The following MST1 variants were observed in gnomAD, a reference collection of about 807,000 sequenced individuals.
MST1 encodes hepatocyte growth factor-like protein.
A neutral mutation model predicts 100.1 loss-of-function variants in MST1; 76 were observed. The observed-to-expected ratio is 0.76, with a 90% CI of 0.63 to 0.92. MST1 has a LOEUF of 0.92. MST1 is among the 40% of genes least tolerant of loss of function. MST1 has a pLI of 0.00. For missense variants in MST1, 850 were observed against 990.0 expected, an observed-to-expected ratio of 0.86 and a Z score of 1.90; for synonymous variants, 352 against 385.4, an observed-to-expected ratio of 0.91 and a Z score of 1.01.
At chr3:49,686,289 G>GGGGGGGGGGGGGGGCCCCCCCCCCCCCC in intron 8 of MST1, 24 bp downstream of exon 8, 1 of 1,235,666 alleles carries the variant, frequency 8.1e-7, no homozygotes. Context: ...ACGTCCCAAC[G>GGGGGGGGGGGGGGGCCCCCCCCCCCCCC]CCCGCCCCCC....
chr3:49,687,533 T>A (rs375767853), intron 3 of MST1, 23 bp downstream of exon 3: 1 of 1,611,438 alleles, frequency 6.2e-7, no homozygotes, highest in African/African-American at 1.3e-5. Context: ...TCTCCCACCC[T>A]GCCCCTCTCC....
chr3:49,687,683 G>A lies in MST1; in HGVS notation c.243-15C>T, dbSNP rs369134155. 5.3e-4 allele frequency: 863 copies of A among 1,613,428 alleles called. 6 individuals are homozygous for A. The South Asian group carries it at 9.1e-3, about 17-fold the overall frequency. ...AGTGGAAGGCCCTGGAGAGAAGAAG[G>A]CACAGGGTAACGCCACAGCCCAGGC... On this transcript the variant is annotated splice_polypyrimidine_tract_variant and intron_variant, in intron 2 of 17. Transcript: ENST00000449682.
At position 49,685,334 on chromosome 3, in the gene MST1, T is replaced by C; in HGVS notation, c.1472A>G (p.Gln491Arg). 1.9e-6 allele frequency: 3 copies of C among 1,613,388 alleles called. No individual in the cohort carries two copies. Among genetic ancestry groups the C allele is most frequent in the South Asian group, 2.2e-5 (2 of 91,074 alleles). ...AACCACGCGCAGCTTGGAACGCCGC[T>C]GATCCAGCCGATCCACCCTCTTGCC... ...KCGKRVDRLD[Q>R]RRSKLRVVGG... is the part of the protein sequence containing the mutation. The change falls in exon 13 of 18, where the codon CAG becomes CGG. Residue 491 changes from glutamine to arginine, a missense_variant. By Grantham distance (43) the Gln-to-Arg change is conservative (BLOSUM62 1). Transcript: ENST00000449682.
chr3:49,687,909 G>T lies in MST1; in HGVS notation c.95-12C>A. 6.2e-7 allele frequency: 1 copy of T among 1,611,226 alleles called. No homozygotes were observed. Among genetic ancestry groups the T allele is most frequent in the Non-Finnish European group, 8.5e-7 (1 of 1,178,420 alleles). ...TGGCGAGCGCTGCCCTGCAGAGTAG[G>T]CATGAGTGGGTGCAGGTCAGGTGGG... On this transcript the variant is annotated splice_polypyrimidine_tract_variant and intron_variant, in intron 1 of 17. Transcript: ENST00000449682.
intron 8 of MST1, 25 bp downstream of exon 8, chr3:49,686,288 C>CT: frequency 1.4e-6 from 2 of 1,399,784 alleles, no homozygotes; most frequent in Non-Finnish European, 1.9e-6. Context: ...CACGTCCCAA[C>CT]GCCCGCCCCC....
Position 49,687,085 on chromosome 3 carries a change from G to C in MST1, c.608-18C>G, listed in dbSNP as rs760705428. 6.2e-7 allele frequency: 1 copy of C among 1,612,664 alleles called. No individual in the cohort carries two copies. Among genetic ancestry groups the C allele is most frequent in the East Asian group, 2.2e-5 (1 of 44,884 alleles). Reference sequence around the variant, plus strand: ...ACACGCGGCTGGAGACAAAGAGCCAGTGGGTTCGTGGATGGACGTGGGCTT... The same window carrying C: ...ACACGCGGCTGGAGACAAAGAGCCACTGGGTTCGTGGATGGACGTGGGCTT... On this transcript the variant is annotated intron_variant, in intron 5 of 17. Transcript: ENST00000449682.
chr3:49,684,285 C>T (rs2053497700), intron 17 of MST1, 29 bp downstream of exon 17: 2 of 1,612,214 alleles, frequency 1.2e-6, no homozygotes, highest in African/African-American at 2.7e-5. Flanking sequence ...CATACCCTTC[C>T]AGGGCTGGCC....
At position 49,689,459 on chromosome 3, in the gene MST1, C is replaced by G. The variant is rs1005385499; in HGVS notation, c.-768G>C. ...CCCGGTGGGAAGCCATGGAGGGGGT[C>G]CCCTAGCGGAGGCTGGGCGCGGGCC... On this transcript the variant is annotated 5_prime_UTR_variant, in exon 1 of 18. Coordinates refer to ENST00000449682, the MANE Select transcript of MST1 (RefSeq NM_020998.4). 3.9e-5 allele frequency: 6 copies of G among 152,368 alleles called. No homozygotes were observed. Among genetic ancestry groups the G allele is most frequent in the African/African-American group, 1.2e-4 (5 of 41,446 alleles). The allele number at this position is 152,368 out of a possible 1,614,324, so 9.4% of individuals were successfully genotyped here. A position where few individuals can be genotyped will look rare whatever the true frequency, so the allele number is the denominator to read the frequency against.
chr3:49,686,245 G>C (rs1202562586), intron 8 of MST1, 53 bp from the exon 9 acceptor site: 1 of 1,605,762 alleles, frequency 6.2e-7, no homozygotes, highest in Admixed American at 1.7e-5. Context: ...CCTTGAGCCC[G>C]TGACTACCTT....
chr3:49,685,528 G>C, intron 11 of MST1, 22 bp from the exon 12 acceptor site: 1 of 1,613,448 alleles, frequency 6.2e-7, no homozygotes, highest in Non-Finnish European at 8.5e-7. Context: ...AGTTCACTGG[G>C]GTTAAGGGAG....
In MST1 at chr3:49,687,821, G is replaced by T; in HGVS notation, c.171C>A (p.Pro57=). Residue 57 remains proline, a synonymous_variant, in exon 2 of 18, where the codon CCC becomes CCA. Transcript: ENST00000449682. ...CTGCCACATCCTCCTGCCAAGGCCC[G>T]GGCACCACCGCATGTAGCAGGTGCT... ...ELQHLLHAVV[P]GPWQEDVADA... 1.9e-6 allele frequency: 3 copies of T among 1,613,586 alleles called. No homozygotes were observed. Among genetic ancestry groups the T allele is most frequent in the Non-Finnish European group, 2.5e-6 (3 of 1,179,860 alleles).
rs1274705954 is a variant in MST1 at position 49,688,053 on chromosome 3, A to C, written c.95-156T>G. ...TTCAAGGGCCAGTCTAGCCCCCTGC[A>C]CAGATACTTGTGAAAAAAATTTCCC... On this transcript the variant is annotated intron_variant, in intron 1 of 17. Transcript: ENST00000449682. 26 of 1,233,294 alleles carry C rather than the reference A, an allele frequency of 2.1e-5. No homozygotes were observed. The East Asian group carries it at 6.7e-4, about 32-fold the overall frequency. The allele number at this position is 1,233,294 out of a possible 1,614,324, so 76.4% of individuals were successfully genotyped here. A position where few individuals can be genotyped will look rare whatever the true frequency, so the allele number is the denominator to read the frequency against.
rs780213410 is a variant in MST1, at chr3:49,686,779, T to G, written c.752A>C (p.Asp251Ala). Reference protein sequence around the residue: ...PGKFLDQGLDDNYCRNPDGSE... With the variant: ...PGKFLDQGLDANYCRNPDGSE... Reference sequence around the variant, plus strand: ...GCCGTCAGGATTCCGGCAATAGTTGTCGTCCAGACCTTGGTCGAGGAACCT... The same window carrying G: ...GCCGTCAGGATTCCGGCAATAGTTGGCGTCCAGACCTTGGTCGAGGAACCT... The change falls in exon 7 of 18, where the codon GAC (aspartate) becomes GCC (alanine). Residue 251 changes from aspartate to alanine, a missense_variant. This residue lies in a region of MST1 where 816 missense variants were observed against 924.6 expected (regional missense o/e 0.88). Coordinates refer to ENST00000449682, the MANE Select transcript of MST1 (RefSeq NM_020998.4). 6.2e-7 allele frequency: 1 copy of G among 1,611,710 alleles called. No individual in the cohort carries two copies. Among genetic ancestry groups the G allele is most frequent in the Non-Finnish European group, 8.5e-7 (1 of 1,179,674 alleles).
chr3:49,686,301 C>CCG lies in MST1; in HGVS notation c.1016+11_1016+12insCG, dbSNP rs765425849. The CCG allele has an allele frequency of 3.5e-5, 49 of 1,414,406 alleles. No individual in the cohort carries two copies. Among genetic ancestry groups the CCG allele is most frequent in the Non-Finnish European group, 4.5e-5 (47 of 1,043,178 alleles). The allele number at this position is 1,414,406 out of a possible 1,614,324, so 87.6% of individuals were successfully genotyped here. A position where few individuals can be genotyped will look rare whatever the true frequency, so the allele number is the denominator to read the frequency against. On this transcript the variant is annotated intron_variant, in intron 8 of 17. Coordinates refer to ENST00000449682, the MANE Select transcript of MST1 (RefSeq NM_020998.4). ...AGCACGTCCCAACGCCCGCCCCCCC[C>CCG]CCCCACCTCACTTGCACGCGTATTT...
Position 49,684,902 on chromosome 3 carries a change from C to A in MST1, c.1623-18G>T. 1 of 1,613,456 alleles carries A rather than the reference C, an allele frequency of 6.2e-7. No individual in the cohort carries two copies. Among genetic ancestry groups the A allele is most frequent in the South Asian group, 1.1e-5 (1 of 91,056 alleles). On this transcript the variant is annotated intron_variant, in intron 14 of 17. Coordinates refer to ENST00000449682, the MANE Select transcript of MST1 (RefSeq NM_020998.4). ...GCATATGGCTGGGAGAGAAGCTCTG[C>A]TAGGTCATTTGTGACTCTCAGTCCA...
chr3:49,684,336 A>T lies in MST1; in HGVS notation c.1994T>A (p.Leu665Ter). 2 of 1,613,158 alleles carry T rather than the reference A, an allele frequency of 1.2e-6. No individual in the cohort carries two copies. Among genetic ancestry groups the T allele is most frequent in the Non-Finnish European group, 1.7e-6 (2 of 1,179,856 alleles). ...RESEMCTEGL[L>*]APVGACEGDY... is the part of the protein sequence containing the mutation. ...AACCTCACAGGCCCCCACAGGGGCC[A>T]ACAGTCCCTCAGTGCACATCTCACT... Residue 665 changes from leucine to a stop codon, truncating the protein, a stop_gained, in exon 17 of 18, where the codon TTG becomes TAG. Coordinates refer to ENST00000449682, the MANE Select transcript of MST1 (RefSeq NM_020998.4). LOFTEE classifies it high-confidence loss of function.
chr3:49,688,092 C>T (rs1325632283), intron 1 of MST1, 195 bp from the exon 2 acceptor site: 9 of 854,992 alleles, frequency 1.1e-5, no homozygotes, highest in African/African-American at 3.4e-5. Flanking sequence ...GGAAGCAGGC[C>T]CAGACTTGGT....
At position 49,684,531 on chromosome 3, in the gene MST1, C is replaced by G. The variant is rs764364651; in HGVS notation, c.1876+19G>C. The G allele has an allele frequency of 6.2e-7, 1 of 1,613,630 alleles. No individual in the cohort carries two copies. The highest frequency in any genetic ancestry group is 2.2e-5 in the East Asian group (1 of 44,890). ...CTGGGCCTCCTGGCCACCAGCAGTC[C>G]TGTGCACTGTGCTCTTACCTTTGGT... On this transcript the variant is annotated intron_variant, in intron 16 of 17. Transcript: ENST00000449682.
chr3:49,687,580 GC>G lies in MST1; in HGVS notation c.330del (p.Arg111AlafsTer16). Reference sequence around the variant, plus strand: ...CCTTTCTTCTGGAAGAGGTCACAGCGCCCAGAACGCCGCAGCCTCGTGTGGG... The same window carrying G: ...CCTTTCTTCTGGAAGAGGTCACAGCGCCAGAACGCCGCAGCCTCGTGTGGG... ...HSPHTRLRRS[G>X]RCDLFQKKDY... On this transcript the variant is annotated frameshift_variant, in exon 3 of 18. Transcript: ENST00000449682. LOFTEE classifies it high-confidence loss of function. 2 of 1,613,520 alleles carry G rather than the reference GC, an allele frequency of 1.2e-6. No individual in the cohort carries two copies. Among genetic ancestry groups the G allele is most frequent in the Non-Finnish European group, 1.7e-6 (2 of 1,179,868 alleles).
Sources: allele counts gnomAD v4.1 joint callset, GRCh38; gene constraint gnomAD v4.1.1; regional missense constraint gnomAD v4.1.1; transcripts MANE v1.5; gene names NCBI Gene and HGNC (gene_info 2026-07-23, HGNC 2026-07-21).